Variants in GPHN observed in about 807,000 individuals in gnomAD.
GPHN encodes the protein gephyrin.
Under a neutral mutation model 95.5 loss-of-function variants are expected in GPHN, and 17 were observed. The observed-to-expected ratio is 0.18, with a 90% CI of 0.12 to 0.27. The LOEUF (loss-of-function observed/expected upper bound fraction) is 0.27. GPHN is among the 10% of genes least tolerant of loss of function. The probability of loss-of-function intolerance (pLI) is 1.00; values close to 1 mark genes in which losing one functional copy is unlikely to be tolerated. For synonymous variants in GPHN, 320 were observed against 322.5 expected (o/e 0.99, Z 0.08); for missense variants, 660 against 978.1 (o/e 0.67, Z 4.34).
At chr14:66,745,144 T>C (rs1391058299) in intron 2 of GPHN, among the ~76,000 whole-genome samples, 2 of 152,128 alleles carry the variant, frequency 1.3e-5, no homozygotes, top group African/African-American at 4.8e-5. Context: ...ATTGTTATAC[T>C]TCAACTCTCT....
chr14:66,603,911 T>A (rs546222987), intron 1 of GPHN, among the ~76,000 whole-genome samples: 1 of 152,172 alleles, frequency 6.6e-6, no homozygotes, highest in South Asian at 2.1e-4. Context: ...AATGTTAGTA[T>A]TATCTGAGAC....
intron 5 of GPHN, among the ~76,000 whole-genome samples, chr14:66,896,816 CA>C (rs879414013): frequency 6.7e-6 from 1 of 149,142 alleles, no homozygotes; most frequent in East Asian, 2.0e-4. Context: ...CAAAACAAAA[CA>C]AAAAAAAACA....
intron 8 of GPHN, among the ~76,000 whole-genome samples, chr14:66,930,582 A>G (rs993958867): frequency 7.4e-5 from 11 of 148,358 alleles, no homozygotes; most frequent in Admixed American, 2.0e-4. Flanking sequence ...CTGGAGTGTA[A>G]TGGTATAATC....
chr14:66,837,251 A>G (rs1406172188), intron 4 of GPHN, among the ~76,000 whole-genome samples: 3 of 151,782 alleles, frequency 2.0e-5, no homozygotes, highest in African/African-American at 7.3e-5. Context: ...ACACCATGGA[A>G]TACTATGCAG....
At chr14:67,712,110 C>T in the GPHN span, among the ~76,000 whole-genome samples, 9 of 151,984 alleles carry the variant, frequency 5.9e-5, no homozygotes, top group East Asian at 7.7e-4. Context: ...AGTAGAGACA[C>T]GGTTTCACCA....
chr14:67,013,804 T>C (rs2073147432), intron 9 of GPHN, among the ~76,000 whole-genome samples: 2 of 151,974 alleles, frequency 1.3e-5, no homozygotes, highest in South Asian at 4.1e-4. Context: ...AAATAGGTGA[T>C]AAGACATGAC....
chr14:67,302,234 G>A, the GPHN span: 8 of 1,231,774 alleles, frequency 6.5e-6, no homozygotes, highest in Non-Finnish European at 8.7e-6. Context: ...CAGAAAGTGT[G>A]GGGGAAATGG....
At chr14:67,710,990 A>C in the GPHN span, among the ~76,000 whole-genome samples, 1 of 152,198 alleles carries the variant, frequency 6.6e-6, no homozygotes, top group Non-Finnish European at 1.5e-5. Context: ...AAAAGATTTA[A>C]CTTAACTGGC....
chr14:66,687,412 G>A (rs935355627), intron 2 of GPHN, among the ~76,000 whole-genome samples: 1 of 151,424 alleles, frequency 6.6e-6, no homozygotes. Context: ...GATAGAGATT[G>A]CGTTGAATCT....
At chr14:67,481,878 C>T in the GPHN span, among the ~76,000 whole-genome samples, 1 of 152,168 alleles carries the variant, frequency 6.6e-6, no homozygotes, top group Non-Finnish European at 1.5e-5. Flanking sequence ...CTCCTGGTGA[C>T]AAACAAAACT....
chr14:67,397,847 C>T, the GPHN span: 25 of 1,592,722 alleles, frequency 1.6e-5, no homozygotes, highest in African/African-American at 3.3e-4. Context: ...ACAAGAAAGC[C>T]CTGAGGTGAG....
the GPHN span, among the ~76,000 whole-genome samples, chr14:67,236,824 A>G: frequency 3.1e-4 from 47 of 152,030 alleles, no homozygotes; most frequent in African/African-American, 1.1e-3. Context: ...ACGGTGGCTC[A>G]TGCCTGTAAT....
intron 1 of GPHN, among the ~76,000 whole-genome samples, chr14:66,678,615 G>A (rs2066751943): frequency 1.4e-5 from 2 of 147,294 alleles, no homozygotes; most frequent in Non-Finnish European, 2.9e-5. Flanking sequence ...GAGAATTATT[G>A]TGTTTCTATG....
intron 10 of GPHN, among the ~76,000 whole-genome samples, chr14:67,053,143 T>TA (rs931074057): frequency 2.9e-4 from 39 of 133,540 alleles, no homozygotes; most frequent in Non-Finnish European, 4.8e-4. Flanking sequence ...CGAAAAACCT[T>TA]AAAAAAAATC....
chr14:67,562,448 C>T, the GPHN span: 1 of 1,613,732 alleles, frequency 6.2e-7, no homozygotes, highest in Non-Finnish European at 8.5e-7. Context: ...CATGAAGCTT[C>T]TTACCTTCAG....
At chr14:67,534,131 A>T in the GPHN span, among the ~76,000 whole-genome samples, 1 of 152,224 alleles carries the variant, frequency 6.6e-6, no homozygotes. Context: ...GAGAATTATC[A>T]GTTCCTTCAT....
intron 1 of GPHN, among the ~76,000 whole-genome samples, chr14:66,531,709 A>G (rs1385760675): frequency 6.6e-6 from 1 of 152,212 alleles, no homozygotes; most frequent in Non-Finnish European, 1.5e-5. Context: ...GTAGTGTATC[A>G]TGTACTTTGC....
intron 1 of GPHN, among the ~76,000 whole-genome samples, chr14:66,572,440 T>C (rs1241238671): frequency 6.6e-6 from 1 of 152,150 alleles, no homozygotes; most frequent in Non-Finnish European, 1.5e-5. Context: ...TTCGTACTTT[T>C]CAGTGTGCAG....
intron 3 of GPHN, 57 bp downstream of exon 3, chr14:66,776,578 G>A: frequency 1.0e-6 from 1 of 971,838 alleles, no homozygotes. Flanking sequence ...GAGGGGTGGG[G>A]AAGAGTTGCT....
Sources: gnomAD v4.1 joint callset for allele counts (sites outside exome capture counted in the v4.1 genomes callset) on GRCh38, gnomAD v4.1.1 for gene constraint, MANE v1.5 for transcripts, NCBI Gene and HGNC (gene_info 2026-07-23, HGNC 2026-07-21) for gene names.